The following TANK variants were observed in gnomAD, a reference collection of about 807,000 sequenced individuals.
The protein encoded by TANK is TRAF family member associated NFKB activator.
Under a neutral mutation model 43.6 loss-of-function variants are expected in TANK, and 15 were observed. That is an observed-to-expected ratio of 0.34 (90% CI 0.23 to 0.53). The LOEUF (loss-of-function observed/expected upper bound fraction) is 0.53. Ranked by LOEUF, TANK falls within the 20% of genes least tolerant of loss-of-function variation. TANK has a pLI of 0.94. For synonymous variants in TANK, 162 were observed against 178.2 expected (o/e 0.91, Z 0.73); for missense variants, 417 against 498.6 (o/e 0.84, Z 1.56).
chr2:161,168,862 C>CA (rs977202219), intron 1 of TANK, among the ~76,000 whole-genome samples: 9 of 151,562 alleles, frequency 5.9e-5, no homozygotes, highest in East Asian at 3.9e-4. Context: ...ATCTGATCCT[C>CA]AAAAAAAATA....
chr2:161,182,874 T>C (rs1419876578), intron 2 of TANK, among the ~76,000 whole-genome samples: 10 of 152,196 alleles, frequency 6.6e-5, no homozygotes, highest in Admixed American at 5.9e-4. Flanking sequence ...GAAGGTCTGA[T>C]AACCCATAGT....
In TANK at chr2:161,151,592, C is replaced by G. The variant is rs1276406697; in HGVS notation, c.-50+14529C>G. Among the ~76,000 whole-genome samples, 8 of 152,270 alleles carry G rather than the reference C, an allele frequency of 5.3e-5. No individual in the cohort carries two copies. In the East Asian group the frequency reaches 1.3e-3, roughly 26 times the overall value. ...TAATATTAGTTTAGCCACGCCATCT[C>G]TCTTTTGGTTACTGTTTGCATGAAA... On this transcript the variant is annotated intron_variant, in intron 1 of 7. Coordinates refer to the TANK transcript ENST00000259075.
At chr2:161,200,617 A>AG (rs1414707378) in intron 2 of TANK, 6 of 876,110 alleles carry the variant, frequency 6.8e-6, no homozygotes, top group Non-Finnish European at 8.2e-6. Flanking sequence ...TTTAAAAAAA[A>AG]GAATCTTCAA....
chr2:161,189,669 C>A (rs146078067), intron 2 of TANK, among the ~76,000 whole-genome samples: 5 of 152,110 alleles, frequency 3.3e-5, no homozygotes, highest in African/African-American at 9.7e-5. Context: ...AAAAAACCCA[C>A]CTGTTAGAAC....
At chr2:161,182,110 G>T (rs538768443) in intron 2 of TANK, among the ~76,000 whole-genome samples, 1 of 151,638 alleles carries the variant, frequency 6.6e-6, no homozygotes, top group Non-Finnish European at 1.5e-5. Context: ...CAGGTTTAAG[G>T]CATAACCATT....
At position 161,231,247 on chromosome 2, in the gene TANK, A is replaced by G. The variant is rs2105170500; in HGVS notation, c.797A>G (p.Gln266Arg). Residue 266 changes from glutamine to arginine, a missense_variant, in exon 7 of 8, where the codon CAA becomes CGA. Gln to Arg is a conservative substitution (Grantham distance 43). Transcript: ENST00000392749. ...LSPATSEAVCQEKFNMEFRDN... is the reference protein window; with the variant it reads ...LSPATSEAVCREKFNMEFRDN... Reference sequence around the variant, plus strand: ...CCTGCCACGTCTGAGGCAGTGTGCCAAGAGAAATTTAATATGGAGTTCAGA... The same window carrying G: ...CCTGCCACGTCTGAGGCAGTGTGCCGAGAGAAATTTAATATGGAGTTCAGA... 6.2e-7 allele frequency: 1 copy of G among 1,614,062 alleles called. No individual in the cohort carries two copies. The highest frequency in any genetic ancestry group is 8.5e-7 in the Non-Finnish European group (1 of 1,180,036).
At chr2:161,224,294 A>G (rs1438537749) in intron 5 of TANK, among the ~76,000 whole-genome samples, 1 of 152,036 alleles carries the variant, frequency 6.6e-6, no homozygotes, top group African/African-American at 2.4e-5. Flanking sequence ...GGAATATTTA[A>G]TATTCTATTT....
intron 4 of TANK, among the ~76,000 whole-genome samples, chr2:161,205,354 C>T (rs932907630): frequency 1.3e-5 from 2 of 151,810 alleles, no homozygotes; most frequent in African/African-American, 4.8e-5. Flanking sequence ...GAATGAATGC[C>T]ACATACATAT....
At chr2:161,160,675 T>TC (rs912311844) in intron 1 of TANK, 189 bp downstream of exon 1, 231 of 451,822 alleles carry the variant, frequency 5.1e-4, no homozygotes, top group Non-Finnish European at 8.3e-4. Context: ...CGCGAGTCCT[T>TC]CCCCCGGAGC....
chr2:161,201,026 A>G (rs746122143), intron 2 of TANK: 2 of 865,404 alleles, frequency 2.3e-6, no homozygotes, highest in Non-Finnish European at 2.8e-6. Flanking sequence ...AGTTCAGTCT[A>G]GAGGGAAATC....
At chr2:161,156,467 C>T, upstream of TANK, 5 of 660,920 alleles carry the variant, frequency 7.6e-6, no homozygotes, top group Non-Finnish European at 9.4e-6. Context: ...CAGATTCTCT[C>T]CATATACTTC....
chr2:161,161,272 T>C (rs1321978718), intron 1 of TANK: 1 of 1,550,392 alleles, frequency 6.4e-7, no homozygotes, highest in Non-Finnish European at 8.7e-7. Context: ...GTGGTGTTTA[T>C]CTCACCTCAC....
At chr2:161,198,715 G>C (rs1429011132) in intron 2 of TANK, among the ~76,000 whole-genome samples, 1 of 152,208 alleles carries the variant, frequency 6.6e-6, no homozygotes, top group Non-Finnish European at 1.5e-5. Context: ...AAAGAGGCAA[G>C]TAAATTAATC....
At position 161,224,685 on chromosome 2, in the gene TANK, C is replaced by T; in HGVS notation, c.459C>T (p.Cys153=). The change falls in exon 6 of 8, where the codon TGC becomes TGT. Residue 153 remains cysteine, a synonymous_variant. Coordinates refer to ENST00000392749, the MANE Select transcript of TANK (RefSeq NM_001199135.3). ...WDLKEEFHKI[C]MLAKAQKDHL... ...TGAAAGAAGAATTTCATAAAATATG[C>T]ATGCTAGCAAAAGCACAGAAAGACC... The T allele has an allele frequency of 6.3e-7, 1 of 1,587,500 alleles. No homozygotes were observed. The highest frequency in any genetic ancestry group is 8.6e-7 in the Non-Finnish European group (1 of 1,166,146).
rs749266306 is a variant in TANK at position 161,185,509 on chromosome 2, A to G, written c.99+5748A>G. The stretch of plus-strand genomic sequence containing the variant: ...TGTTTTTTTTTTCTTTTTTTGGATG[A>G]ATGAAACAATGTGGAAGAATATATA... On this transcript the variant is annotated intron_variant, in intron 2 of 7. Coordinates refer to ENST00000392749, the MANE Select transcript of TANK (RefSeq NM_001199135.3). Among the ~76,000 whole-genome samples the G allele has an allele frequency of 1.3e-5, 2 of 151,046 alleles. 1 individual carries two copies. The highest frequency in any genetic ancestry group is 6.4e-3 in the Middle Eastern group (2 of 312).
intron 1 of TANK, among the ~76,000 whole-genome samples, chr2:161,140,647 T>A (rs1040006442): frequency 5.3e-5 from 8 of 152,172 alleles, no homozygotes; most frequent in African/African-American, 1.9e-4. Context: ...GTTCATGTAT[T>A]GTTATTCTTT....
At chr2:161,157,142 G>A (rs34603832), upstream of TANK, among the ~76,000 whole-genome samples, 3,650 of 152,284 alleles carry the variant, frequency 0.024, 65 homozygotes, top group Non-Finnish European at 0.036. Flanking sequence ...CGTGAGGCAG[G>A]TAGCTTCCTT....
At chr2:161,211,816 T>C (rs749945831) in intron 4 of TANK, 1 of 985,422 alleles carries the variant, frequency 1.0e-6, no homozygotes, top group Non-Finnish European at 1.2e-6. Context: ...AACGTGTTTG[T>C]GTGTAGTACC....
intron 2 of TANK, 171 bp downstream of exon 2, chr2:161,179,932 T>A (rs1296529688): frequency 5.5e-6 from 7 of 1,281,838 alleles, no homozygotes; most frequent in Non-Finnish European, 6.9e-6. Flanking sequence ...GTTGTTTTTT[T>A]TAAAAATATT....
Sources: allele counts gnomAD v4.1 joint callset (sites outside exome capture counted in the v4.1 genomes callset), GRCh38; gene constraint gnomAD v4.1.1; transcripts MANE v1.5; gene names NCBI Gene and HGNC (gene_info 2026-07-23, HGNC 2026-07-21).